Variants in ST7 observed in about 807,000 individuals in gnomAD.
ST7 encodes the protein suppressor of tumorigenicity 7 protein.
A neutral mutation model predicts 78.7 loss-of-function variants in ST7; 28 were observed. The observed-to-expected ratio is 0.36, with a 90% CI of 0.26 to 0.49. The LOEUF (loss-of-function observed/expected upper bound fraction) is 0.49. ST7 is among the 20% of genes least tolerant of loss of function. The probability of loss-of-function intolerance (pLI) is 0.99; values close to 1 mark genes in which losing one functional copy is unlikely to be tolerated. For missense variants in ST7, 418 were observed against 696.0 expected, an observed-to-expected ratio of 0.60 and a Z score of 4.49; for synonymous variants, 247 against 249.6, an observed-to-expected ratio of 0.99 and a Z score of 0.10.
chr7:117,020,754 C>A, intron 1 of ST7: 1 of 1,362,580 alleles, frequency 7.3e-7, no homozygotes, highest in Non-Finnish European at 1.0e-6. Flanking sequence ...GCTCTAATTA[C>A]AAAGGAATTG....
chr7:116,992,501 A>G (rs1483868728), intron 1 of ST7, among the ~76,000 whole-genome samples: 1 of 152,192 alleles, frequency 6.6e-6, no homozygotes, highest in Admixed American at 6.5e-5. Flanking sequence ...AGCAGCTGGG[A>G]TGCAGGGCAC....
At chr7:116,959,433 T>C (rs1792705465) in intron 1 of ST7, 2 of 332,280 alleles carry the variant, frequency 6.0e-6, no homozygotes, top group African/African-American at 4.4e-5. Context: ...TTACTTCTTC[T>C]AGATTCTAGT....
chr7:117,135,203 T>C lies in ST7; in HGVS notation c.711-878T>C, dbSNP rs550720891. ...CTTTGGCAGTGGGTTGTTCCTCATA[T>C]GCTTTGGAAGGTTTAAATTCACAAG... On this transcript the variant is annotated intron_variant, in intron 7 of 15. Coordinates refer to ENST00000323984, the MANE Select transcript of ST7 (RefSeq NM_001369598.1). Among the ~76,000 whole-genome samples the C allele has an allele frequency of 2.0e-5, 3 of 152,174 alleles. No homozygotes were observed. In the South Asian group the frequency reaches 6.2e-4, roughly 32 times the overall value.
intron 10 of ST7, chr7:117,182,820 A>C (rs1808884102): frequency 6.6e-6 from 1 of 152,204 alleles, no homozygotes. Context: ...GCCAGGTAAT[A>C]AAAATAGATG....
At chr7:117,188,248 A>AT (rs1372991991) in intron 10 of ST7, among the ~76,000 whole-genome samples, 1 of 152,042 alleles carries the variant, frequency 6.6e-6, no homozygotes, top group Non-Finnish European at 1.5e-5. Flanking sequence ...TGGGACTTCT[A>AT]TTTTTCATTT....
At chr7:116,991,462 G>T (rs142787526) in intron 1 of ST7, among the ~76,000 whole-genome samples, 2 of 152,168 alleles carry the variant, frequency 1.3e-5, no homozygotes, top group African/African-American at 4.8e-5. Flanking sequence ...AAGAGAAAAT[G>T]AGGAAGATGC....
intron 11 of ST7, among the ~76,000 whole-genome samples, 177 bp downstream of exon 11, chr7:117,189,570 A>T (rs753368926): frequency 6.6e-6 from 1 of 152,226 alleles, no homozygotes; most frequent in Non-Finnish European, 1.5e-5. Flanking sequence ...GTATATCCTC[A>T]GGTAATGTAA....
At chr7:117,223,059 C>T in intron 15 of ST7, 1 of 1,029,932 alleles carries the variant, frequency 9.7e-7, no homozygotes, top group Middle Eastern at 2.0e-4. Context: ...CCCCGTTGCT[C>T]AAGCCGGAAA....
intron 1 of ST7, among the ~76,000 whole-genome samples, chr7:117,050,107 C>T (rs775409545): frequency 6.1e-4 from 92 of 150,774 alleles, no homozygotes; most frequent in African/African-American, 2.1e-3. Flanking sequence ...CCCAGCTACT[C>T]GGGAGGCTGA....
chr7:117,002,463 T>G (rs1794974272), intron 1 of ST7, among the ~76,000 whole-genome samples: 1 of 152,020 alleles, frequency 6.6e-6, no homozygotes, highest in African/African-American at 2.4e-5. Flanking sequence ...TAAGACCCAT[T>G]ATTTTAGGAT....
At chr7:117,138,179 G>A (rs1245762249) in intron 8 of ST7, among the ~76,000 whole-genome samples, 1 of 152,126 alleles carries the variant, frequency 6.6e-6, no homozygotes, top group Non-Finnish European at 1.5e-5. Flanking sequence ...CTGTGGGTAT[G>A]TTCATTTTCG....
intron 10 of ST7, among the ~76,000 whole-genome samples, chr7:117,182,036 G>C (rs970039839): frequency 2.6e-5 from 4 of 152,148 alleles, no homozygotes; most frequent in African/African-American, 9.7e-5. Context: ...TGCAAATTGA[G>C]GGTGATCTCT....
intron 1 of ST7, among the ~76,000 whole-genome samples, chr7:116,998,536 G>A (rs771010510): frequency 6.6e-6 from 1 of 152,254 alleles, no homozygotes; most frequent in Non-Finnish European, 1.5e-5. Flanking sequence ...GGGCTGCGAG[G>A]GCTGCCAGCA....
intron 1 of ST7, among the ~76,000 whole-genome samples, chr7:116,978,568 T>TTCTATCTATCTA (rs201403117): frequency 1.2e-3 from 183 of 152,136 alleles, no homozygotes; most frequent in African/African-American, 4.2e-3. Context: ...ATATCATACA[T>TTCTATCTATCTA]TCTATCTATC....
chr7:117,043,872 T>C (rs1284619324), intron 1 of ST7, among the ~76,000 whole-genome samples: 2 of 152,240 alleles, frequency 1.3e-5, no homozygotes, highest in African/African-American at 4.8e-5. Context: ...TATTAATGCC[T>C]GTTTTGCCTG....
At chr7:117,142,455 C>G (rs934041289) in intron 9 of ST7, among the ~76,000 whole-genome samples, 3 of 151,108 alleles carry the variant, frequency 2.0e-5, no homozygotes, top group Non-Finnish European at 4.4e-5. Context: ...CCAATTGCAG[C>G]TTAACCCCTG....
intron 1 of ST7, among the ~76,000 whole-genome samples, chr7:117,028,087 A>G (rs1328859830): frequency 1.3e-5 from 2 of 152,170 alleles, no homozygotes; most frequent in Non-Finnish European, 2.9e-5. Context: ...AAATGACCCA[A>G]ACAAAATAAT....
intron 1 of ST7, among the ~76,000 whole-genome samples, chr7:116,983,200 GT>G (rs1455721173): frequency 6.6e-6 from 1 of 152,112 alleles, no homozygotes; most frequent in Non-Finnish European, 1.5e-5. Context: ...GCCCAGCCAC[GT>G]ATATTGTTTT....
intron 1 of ST7, among the ~76,000 whole-genome samples, chr7:117,071,856 A>G (rs939926631): frequency 2.6e-5 from 4 of 152,222 alleles, no homozygotes; most frequent in South Asian, 2.1e-4. Flanking sequence ...CCTTGGCAGC[A>G]ATTTATTTTC....
Sources: gnomAD v4.1 joint callset for allele counts (sites outside exome capture counted in the v4.1 genomes callset) on GRCh38, gnomAD v4.1.1 for gene constraint, MANE v1.5 for transcripts, NCBI Gene and HGNC (gene_info 2026-07-23, HGNC 2026-07-21) for gene names.